CDH4: variants seen among roughly 807,000 people sequenced by gnomAD.
CDH4 encodes the protein cadherin-4.
A neutral mutation model predicts 86.0 loss-of-function variants in CDH4; 33 were observed. The observed-to-expected ratio is 0.38, with a 90% CI of 0.29 to 0.51. CDH4 has a LOEUF of 0.51. Ranked by LOEUF, CDH4 falls within the 20% of genes least tolerant of loss-of-function variation. CDH4 has a pLI of 0.86. For synonymous variants in CDH4, 555 were observed against 549.4 expected, an observed-to-expected ratio of 1.01 and a Z score of -0.14; for missense variants, 1,114 against 1,307.4, an observed-to-expected ratio of 0.85 and a Z score of 2.28.
At position 61,442,794 on chromosome 20, in the gene CDH4, C is replaced by T. The variant is rs150971606; in HGVS notation, c.169+187857C>T. On this transcript the variant is annotated intron_variant, in intron 2 of 15. Coordinates refer to ENST00000614565, the MANE Select transcript of CDH4 (RefSeq NM_001794.5). ...CCCTCTTTATGCTGATAAAAAAATA[C>T]ACACGTGTGGGAATGCATGTCTTGG... Among the ~76,000 whole-genome samples the T allele has an allele frequency of 2.6e-5, 4 of 152,362 alleles. No individual in the cohort carries two copies. The East Asian group carries it at 7.7e-4, about 29-fold the overall frequency.
intron 4 of CDH4, among the ~76,000 whole-genome samples, chr20:61,809,167 G>A (rs73917521): frequency 0.15 from 22,478 of 152,144 alleles, 1,799 homozygotes; most frequent in South Asian, 0.18. Flanking sequence ...CCGCGAATCC[G>A]GGTGGTGTCC....
intron 2 of CDH4, among the ~76,000 whole-genome samples, chr20:61,648,856 G>A (rs1186072639): frequency 3.9e-5 from 6 of 152,158 alleles, no homozygotes; most frequent in African/African-American, 1.2e-4. Flanking sequence ...CTGGCACTGC[G>A]ATTGCTGACT....
chr20:61,788,902 C>A (rs1373680182), intron 4 of CDH4, among the ~76,000 whole-genome samples: 2 of 152,196 alleles, frequency 1.3e-5, no homozygotes, highest in Non-Finnish European at 2.9e-5. Flanking sequence ...TAGAAGACAG[C>A]AGAAAATGCT....
chr20:61,398,307 A>G lies in CDH4; in HGVS notation c.169+143370A>G, dbSNP rs117566795. 1.6e-3 allele frequency among the ~76,000 whole-genome samples: 251 copies of G among 152,376 alleles called. 7 individuals carry two copies. In the East Asian group the frequency reaches 0.043, roughly 26 times the overall value. ...CAATGTTCCTGAGAGCACTGTTAACAACACAAAAGGAAAACTATTTAATGT... is the reference window on the plus strand; with the variant it reads ...CAATGTTCCTGAGAGCACTGTTAACGACACAAAAGGAAAACTATTTAATGT... On this transcript the variant is annotated intron_variant, in intron 2 of 15. Transcript: ENST00000614565.
At position 61,807,882 on chromosome 20, in the gene CDH4, C is replaced by A. The variant is rs1980224629; in HGVS notation, c.576+34700C>A. On this transcript the variant is annotated intron_variant, in intron 4 of 15. Coordinates refer to ENST00000614565, the MANE Select transcript of CDH4 (RefSeq NM_001794.5). This position sits in a 1 kb window ranked among gnomAD's most constrained non-coding sequence, Gnocchi z 4.5. ...AGGTTAGAGGCCGTCCACTGGGCAG[C>A]AGGCTGTGGGCCTGGCGGGATGCAG... Among the ~76,000 whole-genome samples, 1 of 152,220 alleles carries A rather than the reference C, an allele frequency of 6.6e-6. No individual in the cohort carries two copies. The highest frequency in any genetic ancestry group is 1.5e-5 in the Non-Finnish European group (1 of 68,032).
intron 2 of CDH4, among the ~76,000 whole-genome samples, chr20:61,576,037 G>A (rs1242739717): frequency 1.3e-5 from 2 of 152,202 alleles, no homozygotes; most frequent in African/African-American, 4.8e-5. Context: ...GGGAGGGAAG[G>A]AGAAGGGACA....
At chr20:61,866,454 G>A in intron 6 of CDH4, among the ~76,000 whole-genome samples, 1 of 152,268 alleles carries the variant, frequency 6.6e-6, no homozygotes, top group Middle Eastern at 3.4e-3. Context: ...CCATGGAAGG[G>A]GCCAGCTGCC....
intron 2 of CDH4, among the ~76,000 whole-genome samples, chr20:61,735,519 C>T (rs1019295962): frequency 7.9e-5 from 12 of 152,142 alleles, no homozygotes; most frequent in African/African-American, 2.9e-4. Context: ...CCAAGGGGTT[C>T]CCCAGGGACT....
intron 2 of CDH4, among the ~76,000 whole-genome samples, chr20:61,363,746 A>T (rs1166533076): frequency 1.2e-4 from 18 of 152,354 alleles, no homozygotes; most frequent in South Asian, 8.3e-4. Flanking sequence ...AAGAAAGGTC[A>T]AATCAGGGAG....
chr20:61,856,827 C>A (rs1171467514), intron 6 of CDH4, among the ~76,000 whole-genome samples: 2 of 152,228 alleles, frequency 1.3e-5, no homozygotes, highest in Non-Finnish European at 2.9e-5. Flanking sequence ...AGGCAGACCC[C>A]ACCCCAGGGG....
chr20:61,381,901 C>G (rs1293079354), intron 2 of CDH4, among the ~76,000 whole-genome samples: 3 of 150,588 alleles, frequency 2.0e-5, no homozygotes, highest in African/African-American at 7.4e-5. Flanking sequence ...ATGGTGAAAC[C>G]CCATCTCTAC....
chr20:61,691,810 A>G (rs1021320384), intron 2 of CDH4, among the ~76,000 whole-genome samples: 8 of 152,248 alleles, frequency 5.3e-5, no homozygotes, highest in South Asian at 4.1e-4. Flanking sequence ...CACCGTGTCT[A>G]TGGTCTGTCA....
At chr20:61,448,037 C>T (rs1403251562) in intron 2 of CDH4, among the ~76,000 whole-genome samples, 1 of 152,172 alleles carries the variant, frequency 6.6e-6, no homozygotes, top group Non-Finnish European at 1.5e-5. Context: ...TCTTGTTCGT[C>T]CCTGGGGCTT....
chr20:61,893,377 A>G (rs1439751028), intron 7 of CDH4, among the ~76,000 whole-genome samples: 2 of 143,436 alleles, frequency 1.4e-5, no homozygotes, highest in East Asian at 4.3e-4. Flanking sequence ...AGAGGGATAA[A>G]TGGATGGATG....
chr20:61,887,661 T>C (rs1984609710), intron 7 of CDH4, among the ~76,000 whole-genome samples: 1 of 152,222 alleles, frequency 6.6e-6, no homozygotes, highest in Non-Finnish European at 1.5e-5. Context: ...CCGGCTCTGA[T>C]TGGATGACTG....
chr20:61,778,621 A>T (rs1978371883), intron 4 of CDH4, among the ~76,000 whole-genome samples: 2 of 152,094 alleles, frequency 1.3e-5, no homozygotes, highest in Admixed American at 1.3e-4. Flanking sequence ...CTGGAATCAG[A>T]CCGCAGTCTA....
At chr20:61,716,646 C>A (rs575370379) in intron 2 of CDH4, among the ~76,000 whole-genome samples, 2 of 152,346 alleles carry the variant, frequency 1.3e-5, no homozygotes, top group Admixed American at 1.3e-4. Context: ...GTGGTGTTCA[C>A]ACCTGTAATC....
intron 4 of CDH4, among the ~76,000 whole-genome samples, chr20:61,778,909 C>T (rs1372658439): frequency 6.6e-6 from 1 of 152,184 alleles, no homozygotes; most frequent in Non-Finnish European, 1.5e-5. Context: ...TGCCAAGCAC[C>T]ATGCGGGCAC....
intron 2 of CDH4, among the ~76,000 whole-genome samples, chr20:61,590,124 A>T (rs2145730629): frequency 7.6e-6 from 1 of 131,038 alleles, no homozygotes; most frequent in East Asian, 2.5e-4. Context: ...AGCTTAAACG[A>T]TTGTGGTTCC....
Sources: gnomAD v4.1 joint callset for allele counts (sites outside exome capture counted in the v4.1 genomes callset) on GRCh38, gnomAD v4.1.1 for gene constraint, Gnocchi (gnomAD v3.1) non-coding constraint, MANE v1.5 for transcripts, NCBI Gene and HGNC (gene_info 2026-07-23, HGNC 2026-07-21) for gene names.